Variants in GAPVD1 observed in about 807,000 individuals in gnomAD.
The protein encoded by GAPVD1 is GTPase-activating protein and VPS9 domain-containing protein 1.
In GAPVD1, 35 loss-of-function variants were observed where a neutral mutation model predicts 155.5. That is an observed-to-expected ratio of 0.23 (90% CI 0.17 to 0.30). The LOEUF (loss-of-function observed/expected upper bound fraction) is 0.30, where lower values mean the gene tolerates loss of function less well. GAPVD1 is among the 10% of genes least tolerant of loss of function. GAPVD1 has a pLI of 1.00. For synonymous variants in GAPVD1, 636 were observed against 619.7 expected (o/e 1.03, Z -0.39); for missense variants, 1,429 against 1,775.7 (o/e 0.80, Z 3.51).
chr9:125,348,425 G>A (rs1848826193), intron 20 of GAPVD1, among the ~76,000 whole-genome samples: 1 of 152,012 alleles, frequency 6.6e-6, no homozygotes, highest in Admixed American at 6.6e-5. Context: ...GAAATCCTGA[G>A]CTCAAGCGAT....
intron 1 of GAPVD1, among the ~76,000 whole-genome samples, chr9:125,266,255 C>A (rs1833937540): frequency 6.6e-6 from 1 of 150,806 alleles, no homozygotes; most frequent in South Asian, 2.1e-4. Context: ...GCTTCCCGAG[C>A]AGCTGGGATT....
intron 17 of GAPVD1, among the ~76,000 whole-genome samples, chr9:125,339,975 T>C (rs1319894376): frequency 6.6e-6 from 1 of 152,216 alleles, no homozygotes; most frequent in African/African-American, 2.4e-5. Context: ...GGTCACATGA[T>C]AGGCTATTAA....
intron 12 of GAPVD1, among the ~76,000 whole-genome samples, 154 bp downstream of exon 12, chr9:125,326,743 A>G (rs1564400266): frequency 6.6e-6 from 1 of 152,092 alleles, no homozygotes; most frequent in Non-Finnish European, 1.5e-5. Flanking sequence ...GCATTTGGGT[A>G]CTTTTTTCTT....
chr9:125,294,223 TAG>T (rs1463276871), intron 2 of GAPVD1, among the ~76,000 whole-genome samples: 1 of 151,832 alleles, frequency 6.6e-6, no homozygotes, highest in Non-Finnish European at 1.5e-5. Context: ...ATATTTTTAG[TAG>T]AGACAGGGTT....
intron 11 of GAPVD1, among the ~76,000 whole-genome samples, chr9:125,324,882 T>C (rs1298258804): frequency 6.6e-6 from 1 of 151,882 alleles, no homozygotes; most frequent in Non-Finnish European, 1.5e-5. Flanking sequence ...GGAAGTGAGG[T>C]GCCTTAGGAA....
chr9:125,347,720 C>CAA (rs11301990), intron 20 of GAPVD1, among the ~76,000 whole-genome samples: 1 of 141,904 alleles, frequency 7.0e-6, no homozygotes, highest in African/African-American at 2.6e-5. Context: ...GACCCTGTCT[C>CAA]AAAAAAAAAA....
At chr9:125,273,235 G>T (rs897629859) in intron 2 of GAPVD1, among the ~76,000 whole-genome samples, 6 of 152,126 alleles carry the variant, frequency 3.9e-5, no homozygotes, top group Non-Finnish European at 7.3e-5. Context: ...TTCTAGATTG[G>T]TTGGATACTT....
At chr9:125,359,068 T>A (rs1850534082) in intron 25 of GAPVD1, among the ~76,000 whole-genome samples, 1 of 152,174 alleles carries the variant, frequency 6.6e-6, no homozygotes, top group Non-Finnish European at 1.5e-5. Context: ...TGGCTTTTGA[T>A]CCTTCTACTT....
rs920285497 is a variant in GAPVD1, at chr9:125,302,302, C to A, written c.505C>A (p.Arg169=). ...FELKESDNPR[R]LLRRGTCAFS... ...ACTTAAAGAAAGTGACAACCCTAGG[C>A]GACTTTTGAGGAGAGGAACTTGTGC... is the stretch of plus-strand genomic sequence containing the variant. The change falls in exon 5 of 28, where the codon CGA becomes AGA. Residue 169 remains arginine (R), a synonymous_variant. Coordinates refer to ENST00000297933, the MANE Select transcript of GAPVD1 (RefSeq NM_001282680.3). 6.2e-7 allele frequency: 1 copy of A among 1,613,786 alleles called. No homozygotes were observed. The highest frequency in any genetic ancestry group is 1.3e-5 in the African/African-American group (1 of 75,026).
intron 17 of GAPVD1, among the ~76,000 whole-genome samples, chr9:125,339,142 G>T (rs1202278054): frequency 2.6e-5 from 4 of 152,054 alleles, no homozygotes; most frequent in Admixed American, 6.6e-5. Flanking sequence ...CCACATGCCT[G>T]GCTAATTTTT....
At chr9:125,325,204 G>A (rs1844937087) in intron 11 of GAPVD1, among the ~76,000 whole-genome samples, 2 of 151,046 alleles carry the variant, frequency 1.3e-5, no homozygotes, top group African/African-American at 4.9e-5. Context: ...TAGCCTGGGC[G>A]ACAGAGTGAG....
chr9:125,265,029 T>G (rs1024912455), intron 1 of GAPVD1, among the ~76,000 whole-genome samples: 2 of 152,174 alleles, frequency 1.3e-5, no homozygotes, highest in African/African-American at 4.8e-5. Context: ...ATCTTACATT[T>G]TTTAAAAGAC....
intron 23 of GAPVD1, among the ~76,000 whole-genome samples, chr9:125,354,128 T>G (rs1849708824): frequency 6.6e-6 from 1 of 152,144 alleles, no homozygotes; most frequent in Non-Finnish European, 1.5e-5. Flanking sequence ...TGCTCATGAT[T>G]ATGGAGAAAA....
At chr9:125,301,502 G>C (rs929734637) in intron 4 of GAPVD1, among the ~76,000 whole-genome samples, 1 of 151,580 alleles carries the variant, frequency 6.6e-6, no homozygotes, top group African/African-American at 2.4e-5. Context: ...AGGGTGGAGT[G>C]CGGTGGCATG....
In GAPVD1 at chr9:125,312,608, A is replaced by G; in HGVS notation, c.1598A>G (p.Asn533Ser). Residue 533 changes from asparagine to serine, a missense_variant, in exon 9 of 28, where the codon AAT becomes AGT. Asn to Ser is a conservative substitution (Grantham distance 46). This residue lies in a region of GAPVD1 where 628 missense variants were observed against 733.4 expected (regional missense o/e 0.86). Transcript: ENST00000297933. The stretch of plus-strand genomic sequence containing the variant: ...CTTACTCCAGGGATGATGTCAGAAA[A>G]TGAGGTATGAATCAGTTGCTTCTAT... ...PQLTPGMMSE[N>S]EVLNMQLSDG... 1.9e-6 allele frequency: 3 copies of G among 1,583,196 alleles called. No individual in the cohort carries two copies. The South Asian group carries it at 3.6e-5, about 19-fold the overall frequency.
rs1851499274 is a variant in GAPVD1 at position 125,366,959 on chromosome 9, A to G, written c.*4213A>G. On this transcript the variant is annotated 3_prime_UTR_variant, in exon 28 of 28. Coordinates refer to ENST00000297933, the MANE Select transcript of GAPVD1 (RefSeq NM_001282680.3). Reference sequence around the variant, plus strand: ...ATGGCAGACAGTGTGGGTAGCGGCCATGCACTAGGGGAATTCACCTCTGTC... The same window carrying G: ...ATGGCAGACAGTGTGGGTAGCGGCCGTGCACTAGGGGAATTCACCTCTGTC... 6.6e-6 allele frequency: 1 copy of G among 152,328 alleles called. No homozygotes were observed. Among genetic ancestry groups the G allele is most frequent in the Non-Finnish European group, 1.5e-5 (1 of 68,038 alleles). The allele number at this position is 152,328 out of a possible 1,614,324, so 9.4% of individuals were successfully genotyped here.
intron 17 of GAPVD1, among the ~76,000 whole-genome samples, chr9:125,340,184 C>T (rs539050088): frequency 3.4e-4 from 52 of 152,166 alleles, no homozygotes; most frequent in Non-Finnish European, 6.6e-4. Context: ...CCACGCCCGG[C>T]CAATTTTTGT....
intron 9 of GAPVD1, among the ~76,000 whole-genome samples, chr9:125,319,849 C>A (rs1342837312): frequency 6.6e-6 from 1 of 152,144 alleles, no homozygotes; most frequent in Non-Finnish European, 1.5e-5. Flanking sequence ...CCGGCCTTGA[C>A]CTCCCAGAGT....
chr9:125,277,985 C>T (rs530921034), intron 2 of GAPVD1, among the ~76,000 whole-genome samples: 30 of 152,018 alleles, frequency 2.0e-4, no homozygotes, highest in Non-Finnish European at 3.1e-4. Context: ...TTTTTTGGAA[C>T]GAGAATGAAC....
Sources: gnomAD v4.1 joint callset for allele counts (sites outside exome capture counted in the v4.1 genomes callset) on GRCh38, gnomAD v4.1.1 for gene constraint, gnomAD v4.1.1 regional missense constraint, MANE v1.5 for transcripts, NCBI Gene and HGNC (gene_info 2026-07-23, HGNC 2026-07-21) for gene names.